Variants in FGF2 observed in about 807,000 individuals in gnomAD.
The protein encoded by FGF2 is fibroblast growth factor 2.
A neutral mutation model predicts 15.9 loss-of-function variants in FGF2; 13 were observed. That is an observed-to-expected ratio of 0.82 (90% CI 0.53 to 1.30). FGF2 has a LOEUF of 1.30. Ranked by LOEUF, FGF2 falls within the 50% of genes most tolerant of loss-of-function variation. FGF2 has a pLI of 0.00. For missense variants in FGF2, 163 were observed against 196.9 expected (o/e 0.83, Z 1.03); for synonymous variants, 90 against 78.4 (o/e 1.15, Z -0.78).
chr4:122,869,698 CTT>C (rs1202047452), intron 1 of FGF2, among the ~76,000 whole-genome samples: 4 of 152,176 alleles, frequency 2.6e-5, no homozygotes, highest in Admixed American at 2.6e-4. Flanking sequence ...TATCCCGAGA[CTT>C]TGCTGAAGTT....
upstream of FGF2, chr4:122,826,721 C>G: frequency 2.4e-6 from 3 of 1,256,686 alleles, no homozygotes; most frequent in Non-Finnish European, 3.0e-6. Context: ...CCCCAGAAAA[C>G]CCGAGCGAGT....
chr4:122,851,862 A>G (rs115935156), intron 1 of FGF2, among the ~76,000 whole-genome samples: 1 of 152,064 alleles, frequency 6.6e-6, no homozygotes, highest in African/African-American at 2.4e-5. Context: ...TGCCTTACTA[A>G]TTCTATGCTC....
chr4:122,872,658 C>T (rs942396118), intron 1 of FGF2, among the ~76,000 whole-genome samples: 4 of 152,162 alleles, frequency 2.6e-5, no homozygotes, highest in Non-Finnish European at 4.4e-5. Context: ...GGAAGCCCAT[C>T]GGACTAACAG....
intron 1 of FGF2, among the ~76,000 whole-genome samples, chr4:122,860,447 CTTTTTTTT>C (rs34541038): frequency 2.2e-5 from 2 of 90,918 alleles, no homozygotes; most frequent in Admixed American, 1.7e-4. Flanking sequence ...CTAAGGTTAA[CTTTTTTTT>C]TTTTTTTTTT....
Position 122,861,354 on chromosome 4 carries a change from C to G in FGF2, c.179-14967C>G, listed in dbSNP as rs1726462406. Among the ~76,000 whole-genome samples the G allele has an allele frequency of 2.0e-5, 3 of 152,324 alleles. No individual in the cohort carries two copies. The South Asian group carries it at 6.2e-4, about 32-fold the overall frequency. On this transcript the variant is annotated intron_variant, in intron 1 of 2. Transcript: ENST00000644866. ...CACAGGCATTGCAATTTCACTGTGT[C>G]TGAAGGGAACATATATCATTGTCTT...
At chr4:122,873,899 C>T (rs567877526) in intron 1 of FGF2, among the ~76,000 whole-genome samples, 8 of 152,272 alleles carry the variant, frequency 5.3e-5, no homozygotes, top group African/African-American at 1.9e-4. Flanking sequence ...TGACAACAAT[C>T]CCTGAGTGTG....
At chr4:122,860,677 G>A (rs45478695) in intron 1 of FGF2, among the ~76,000 whole-genome samples, 6,669 of 151,910 alleles carry the variant, frequency 0.044, 161 homozygotes, top group Middle Eastern at 0.061. Flanking sequence ...GGCTGGTCTC[G>A]AATTCCTGGC....
intron 1 of FGF2, among the ~76,000 whole-genome samples, chr4:122,842,116 A>C (rs1725996532): frequency 6.6e-6 from 1 of 152,208 alleles, no homozygotes; most frequent in South Asian, 2.1e-4. Flanking sequence ...ACCATGGCTG[A>C]CAGTTAAAGC....
At chr4:122,877,932 C>A (rs1235055048) in intron 2 of FGF2, among the ~76,000 whole-genome samples, 1 of 152,132 alleles carries the variant, frequency 6.6e-6, no homozygotes, top group Non-Finnish European at 1.5e-5. Context: ...GTAATTTTTG[C>A]AGGATAAATC....
At chr4:122,864,719 A>G (rs113939916) in intron 1 of FGF2, among the ~76,000 whole-genome samples, 5 of 152,298 alleles carry the variant, frequency 3.3e-5, no homozygotes, top group Non-Finnish European at 7.4e-5. Context: ...AGATTGCTTT[A>G]AAGTTTTAAC....
intron 1 of FGF2, among the ~76,000 whole-genome samples, chr4:122,865,952 G>A (rs1372959413): frequency 1.3e-5 from 2 of 152,216 alleles, no homozygotes; most frequent in Non-Finnish European, 2.9e-5. Flanking sequence ...AAACCTTCAT[G>A]ACCCTAGATT....
chr4:122,850,222 A>G (rs1418944319), intron 1 of FGF2, among the ~76,000 whole-genome samples: 1 of 151,918 alleles, frequency 6.6e-6, no homozygotes, highest in African/African-American at 2.4e-5. Context: ...AGATTGCACC[A>G]CTGCACTCCA....
Position 122,845,387 on chromosome 4 carries a change from CA to C in FGF2, c.178+18037del, listed in dbSNP as rs1173565083. ...AGTCGCCAGCTGCATTAGCCTCTAA[CA>C]AGAGAGTCAGCCTGTCCTTTGAAGC... On this transcript the variant is annotated intron_variant, in intron 1 of 2. Coordinates refer to ENST00000644866, the MANE Select transcript of FGF2 (RefSeq NM_001361665.2). Among the ~76,000 whole-genome samples the C allele has an allele frequency of 6.6e-5, 10 of 152,322 alleles. No individual in the cohort carries two copies. In the East Asian group the frequency reaches 1.7e-3, roughly 26 times the overall value.
chr4:122,866,468 A>G (rs1480729494), intron 1 of FGF2, among the ~76,000 whole-genome samples: 1 of 152,252 alleles, frequency 6.6e-6, no homozygotes. Flanking sequence ...TGTCTAGAAC[A>G]TATAATGAAC....
In FGF2 at chr4:122,892,447, T is replaced by C. The variant is rs1477239824; in HGVS notation, c.*51T>C. The C allele has an allele frequency of 2.5e-6, 4 of 1,611,252 alleles. No homozygotes were observed. The highest frequency in any genetic ancestry group is 3.4e-6 in the Non-Finnish European group (4 of 1,177,906). ...TTCACATGAAAGAAGAAGTATATTT[T>C]AGAAATTTGTTAATGAGAGTAAAAG... On this transcript the variant is annotated 3_prime_UTR_variant, in exon 3 of 3. Transcript: ENST00000644866.
intron 1 of FGF2, among the ~76,000 whole-genome samples, chr4:122,841,593 GAAA>G (rs901269833): frequency 1.3e-5 from 2 of 151,650 alleles, no homozygotes; most frequent in African/African-American, 4.8e-5. Context: ...TCCTCTAAAA[GAAA>G]AAAAATAAAG....
At position 122,885,190 on chromosome 4, in the gene FGF2, T is replaced by A. The variant is rs376057813; in HGVS notation, c.283-7021T>A. The stretch of plus-strand genomic sequence containing the variant: ...TTTTCCCCAGTCCTAGTTCTCTAGT[T>A]CTTATTTAGATTTTGTAAATGTCAT... On this transcript the variant is annotated intron_variant, in intron 2 of 2. Transcript: ENST00000644866. 2.6e-4 allele frequency among the ~76,000 whole-genome samples: 40 copies of A among 152,362 alleles called. No homozygotes were observed. In the South Asian group the frequency reaches 6.6e-3, roughly 25 times the overall value.
At position 122,892,258 on chromosome 4, in the gene FGF2, T is replaced by C. The variant is rs1727207692; in HGVS notation, c.330T>C (p.Asn110=). The C allele has an allele frequency of 6.2e-7, 1 of 1,613,850 alleles. No homozygotes were observed. The highest frequency in any genetic ancestry group is 8.5e-7 in the Non-Finnish European group (1 of 1,179,730). ...TCTTTTTTGAACGATTGGAATCTAA[T>C]AACTACAATACTTACCGGTCAAGGA... The part of the protein sequence containing the change: ...ECFFFERLES[N]NYNTYRSRKY... Residue 110 remains asparagine (N), a synonymous_variant, in exon 3 of 3, where the codon AAT becomes AAC. Coordinates refer to ENST00000644866, the MANE Select transcript of FGF2 (RefSeq NM_001361665.2).
chr4:122,879,669 AC>A (rs1726922822), intron 2 of FGF2, among the ~76,000 whole-genome samples: 2 of 152,216 alleles, frequency 1.3e-5, no homozygotes, highest in Non-Finnish European at 2.9e-5. Flanking sequence ...AATTGGACTT[AC>A]AGTTCCACAT....
Sources: allele counts gnomAD v4.1 joint callset (sites outside exome capture counted in the v4.1 genomes callset), GRCh38; gene constraint gnomAD v4.1.1; transcripts MANE v1.5; gene names NCBI Gene and HGNC (gene_info 2026-07-23, HGNC 2026-07-21).